The following PPP2R2B variants were observed in gnomAD, a reference collection of about 807,000 sequenced individuals.
The protein encoded by PPP2R2B is protein phosphatase 2 regulatory subunit Bbeta, also known as serine/threonine-protein phosphatase 2A 55 kDa regulatory subunit B beta isoform.
Under a neutral mutation model 46.0 loss-of-function variants are expected in PPP2R2B, and 5 were observed. That is an observed-to-expected ratio of 0.11 (90% CI 0.06 to 0.23). PPP2R2B has a LOEUF of 0.23. Among genes scored for constraint, PPP2R2B ranks in the 10% least tolerant of loss-of-function variants. The pLI, the probability that PPP2R2B is intolerant of heterozygous loss-of-function variation, is 1.00. For missense variants in PPP2R2B, 367 were observed against 575.0 expected, an observed-to-expected ratio of 0.64 and a Z score of 3.70; for synonymous variants, 215 against 206.7, an observed-to-expected ratio of 1.04 and a Z score of -0.34.
intron 2 of PPP2R2B, among the ~76,000 whole-genome samples, chr5:146,701,735 G>A (rs966139044): frequency 1.3e-5 from 2 of 152,198 alleles, no homozygotes; most frequent in African/African-American, 2.4e-5. Flanking sequence ...TTCTGGAAGA[G>A]CATGACTTAT....
upstream of PPP2R2B, among the ~76,000 whole-genome samples, chr5:146,880,313 A>G (rs1490836229): frequency 6.6e-6 from 1 of 152,034 alleles, no homozygotes; most frequent in Non-Finnish European, 1.5e-5. Context: ...TTCAAAATCC[A>G]CATTTAAAAT....
At chr5:146,592,141 C>T in intron 9 of PPP2R2B, 1 of 448,290 alleles carries the variant, frequency 2.2e-6, no homozygotes, top group Non-Finnish European at 4.5e-6. Context: ...CTGTCCTATA[C>T]CAACTGGTCA....
At chr5:146,829,098 T>C (rs1758760684) in intron 2 of PPP2R2B, among the ~76,000 whole-genome samples, 1 of 152,200 alleles carries the variant, frequency 6.6e-6, no homozygotes, top group Admixed American at 6.5e-5. Context: ...TGATTATGGC[T>C]TTAGTTCATC....
At chr5:147,013,089 AACAG>A (rs1437144118) in intron 1 of PPP2R2B, among the ~76,000 whole-genome samples, 1 of 149,988 alleles carries the variant, frequency 6.7e-6, no homozygotes, top group African/African-American at 2.4e-5. Flanking sequence ...ATACACCAAC[AACAG>A]ACAAACAGAG....
At chr5:146,722,377 C>T (rs143749236) in intron 2 of PPP2R2B, among the ~76,000 whole-genome samples, 4 of 152,110 alleles carry the variant, frequency 2.6e-5, no homozygotes, top group African/African-American at 9.7e-5. Flanking sequence ...CTCAGGTCTG[C>T]GGAGCTACAA....
At chr5:146,770,067 G>A (rs1293125412) in intron 2 of PPP2R2B, among the ~76,000 whole-genome samples, 2 of 152,090 alleles carry the variant, frequency 1.3e-5, no homozygotes, top group African/African-American at 2.4e-5. Context: ...AGTGGCTCAT[G>A]CCTGTAATCC....
rs566378208 is a variant in PPP2R2B, at chr5:146,988,248, C to T, written c.79+67417G>A. 1.5e-4 allele frequency among the ~76,000 whole-genome samples: 23 copies of T among 151,822 alleles called. No homozygotes were observed. The South Asian group carries it at 1.7e-3, about 11-fold the overall frequency. ...TCAACAAAGAAATATTGGAATTAAA[C>T]GACAGTCTAGACCAAATAGACTTAA... On this transcript the variant is annotated intron_variant, in intron 1 of 8. Coordinates refer to the PPP2R2B transcript ENST00000336640.
At chr5:146,704,099 G>C (rs1779694785) in intron 2 of PPP2R2B, among the ~76,000 whole-genome samples, 1 of 152,134 alleles carries the variant, frequency 6.6e-6, no homozygotes, top group African/African-American at 2.4e-5. Context: ...AAGCCAGTAG[G>C]TGTAACTGGA....
At chr5:146,963,212 C>G (rs1290221297) in intron 1 of PPP2R2B, among the ~76,000 whole-genome samples, 1 of 152,184 alleles carries the variant, frequency 6.6e-6, no homozygotes, top group East Asian at 1.9e-4. Context: ...AAATCAAAAT[C>G]AGAATCAGTG....
intron 8 of PPP2R2B, among the ~76,000 whole-genome samples, chr5:146,594,732 G>A (rs1178293509): frequency 6.6e-6 from 1 of 152,202 alleles, no homozygotes; most frequent in African/African-American, 2.4e-5. Flanking sequence ...ACTCTGAGCT[G>A]CACTAGCAAC....
intron 1 of PPP2R2B, among the ~76,000 whole-genome samples, chr5:147,002,476 A>G (rs2151870143): frequency 6.6e-6 from 1 of 152,296 alleles, no homozygotes; most frequent in East Asian, 1.9e-4. Flanking sequence ...GGAAATGGAT[A>G]AAGTCCCAAT....
chr5:146,794,426 TA>T (rs1265538681), intron 2 of PPP2R2B, among the ~76,000 whole-genome samples: 3 of 152,332 alleles, frequency 2.0e-5, no homozygotes, highest in African/African-American at 7.2e-5. Flanking sequence ...TAACTTTACC[TA>T]ATGATAGTTG....
intron 1 of PPP2R2B, among the ~76,000 whole-genome samples, chr5:146,975,043 G>T (rs1371370516): frequency 6.6e-6 from 1 of 152,040 alleles, no homozygotes; most frequent in East Asian, 1.9e-4. Context: ...ACAACACATA[G>T]AATGTACCAT....
intron 2 of PPP2R2B, among the ~76,000 whole-genome samples, chr5:146,718,017 T>C (rs1222337720): frequency 6.6e-6 from 1 of 152,212 alleles, no homozygotes; most frequent in Non-Finnish European, 1.5e-5. Flanking sequence ...TTCATCATTA[T>C]GTATATTATG....
At chr5:146,591,296 GTGT>G (rs1770624159) in intron 9 of PPP2R2B, among the ~76,000 whole-genome samples, 1 of 152,194 alleles carries the variant, frequency 6.6e-6, no homozygotes, top group African/African-American at 2.4e-5. Flanking sequence ...CAAGGGGGAT[GTGT>G]TTTTGGGCAC....
At chr5:146,667,108 A>G (rs1162815523) in intron 5 of PPP2R2B, among the ~76,000 whole-genome samples, 1 of 152,174 alleles carries the variant, frequency 6.6e-6, no homozygotes, top group African/African-American at 2.4e-5. Flanking sequence ...TGGTCAGAAG[A>G]TGAACAAATG....
intron 5 of PPP2R2B, among the ~76,000 whole-genome samples, chr5:146,657,371 T>C (rs1776398945): frequency 6.6e-6 from 1 of 152,068 alleles, no homozygotes; most frequent in South Asian, 2.1e-4. Flanking sequence ...ACAGAAAAGA[T>C]GAAGTCATGG....
At chr5:146,913,172 A>G (rs2151807625) in intron 1 of PPP2R2B, among the ~76,000 whole-genome samples, 1 of 152,354 alleles carries the variant, frequency 6.6e-6, no homozygotes, top group South Asian at 2.1e-4. Context: ...CTGTGATTTT[A>G]GAAGCATAGA....
At chr5:146,947,441 T>G (rs1453021934) in intron 1 of PPP2R2B, among the ~76,000 whole-genome samples, 2 of 152,116 alleles carry the variant, frequency 1.3e-5, no homozygotes, top group African/African-American at 2.4e-5. Context: ...TCCTGTTTTT[T>G]CTGGAACTGT....
Sources: allele counts gnomAD v4.1 joint callset (sites outside exome capture counted in the v4.1 genomes callset), GRCh38; gene constraint gnomAD v4.1.1; transcripts MANE v1.5; gene names NCBI Gene and HGNC (gene_info 2026-07-23, HGNC 2026-07-21).